The following LPIN1 variants were observed in gnomAD, a reference collection of about 807,000 sequenced individuals.
The protein encoded by LPIN1 is phosphatidate phosphatase LPIN1.
LPIN1 carries 71 observed loss-of-function variants against 107.5 expected under a neutral mutation model. The ratio of observed to expected loss-of-function variants is 0.66; its 90% CI spans 0.55 to 0.80. The LOEUF (loss-of-function observed/expected upper bound fraction) is 0.80. Ranked by LOEUF, LPIN1 falls within the 30% of genes least tolerant of loss-of-function variation. The probability of loss-of-function intolerance (pLI) is 0.00; values close to 1 mark genes in which losing one functional copy is unlikely to be tolerated. For synonymous variants in LPIN1, 445 were observed against 452.6 expected (o/e 0.98, Z 0.21); for missense variants, 1,043 against 1,160.6 (o/e 0.90, Z 1.47).
rs1188182187 is a variant in LPIN1, at chr2:11,782,519, G to A, written c.1264+12G>A. On this transcript the variant is annotated intron_variant, in intron 8 of 20. Transcript: ENST00000674199. ...TTCCAGGAAAAGAGGTACCAAGGCT[G>A]GGGCTTCCCGGCTCTTTTTCTGTTC... The A allele has an allele frequency of 8.1e-6, 13 of 1,613,542 alleles. No homozygotes were observed. The highest frequency in any genetic ancestry group is 1.1e-5 in the Non-Finnish European group (13 of 1,180,030).
chr2:11,725,976 G>C (rs796249458), intron 1 of LPIN1, among the ~76,000 whole-genome samples: 50 of 152,326 alleles, frequency 3.3e-4, no homozygotes, highest in African/African-American at 1.2e-3. Context: ...AGAGGCTACT[G>C]TGGCCCCACC....
intron 1 of LPIN1, among the ~76,000 whole-genome samples, chr2:11,746,899 G>A (rs1667033024): frequency 6.6e-6 from 1 of 152,196 alleles, no homozygotes; most frequent in African/African-American, 2.4e-5. Flanking sequence ...GGCCTCGCGA[G>A]CATCCCTCGG....
chr2:11,779,417 TG>T (rs2148651270), intron 6 of LPIN1, 101 bp from the exon 7 acceptor site: 2 of 1,241,508 alleles, frequency 1.6e-6, no homozygotes, highest in South Asian at 1.2e-5. Flanking sequence ...GAACGACAGC[TG>T]GGGGTGCATT....
At chr2:11,764,767 G>A (rs1360643100) in intron 1 of LPIN1, among the ~76,000 whole-genome samples, 1 of 152,222 alleles carries the variant, frequency 6.6e-6, no homozygotes, top group African/African-American at 2.4e-5. Flanking sequence ...GGCACGATGG[G>A]GGATCCTACG....
rs1208248602 is a variant in LPIN1 at position 11,773,739 on chromosome 2, C to T, written c.716C>T (p.Thr239Ile). ...YPNSDREWSP[T>I]PSSLVDCKRT... ...AATTCGGATAGAGAGTGGTCACCCA[C>T]TCCCAGGTAAGCTGTTCCCTGTTCC... is the stretch of plus-strand genomic sequence containing the variant. Residue 239 changes from threonine (T) to isoleucine (I), a missense_variant, in exon 5 of 21, where the codon ACT becomes ATT. By Grantham distance (89) the Thr-to-Ile change is moderately conservative. Coordinates refer to ENST00000674199, the MANE Select transcript of LPIN1 (RefSeq NM_001349206.2). 1 of 1,614,144 alleles carries T rather than the reference C, an allele frequency of 6.2e-7. No individual in the cohort carries two copies. Among genetic ancestry groups the T allele is most frequent in the Non-Finnish European group, 8.5e-7 (1 of 1,180,002 alleles).
chr2:11,718,353 G>A (rs1271212918), intron 2 of LPIN1, among the ~76,000 whole-genome samples: 6 of 152,114 alleles, frequency 3.9e-5, no homozygotes, highest in South Asian at 2.1e-4. Flanking sequence ...TTAGCCTCCC[G>A]AGTAGCTGGG....
At chr2:11,767,661 G>A (rs768565681) in intron 2 of LPIN1, 102 bp from the exon 3 acceptor site, 51 of 772,524 alleles carry the variant, frequency 6.6e-5, no homozygotes, top group Non-Finnish European at 1.1e-4. Flanking sequence ...ACTTCAGGGT[G>A]TATGCGATGA....
rs144915388 is a variant in LPIN1 at position 11,733,498 on chromosome 2, TC to T, written c.-71-7850del. 9.5e-3 allele frequency among the ~76,000 whole-genome samples: 1,416 copies of T among 149,570 alleles called. 23 individuals are homozygous for T. Among genetic ancestry groups the T allele is most frequent in the African/African-American group, 0.033 (1,322 of 40,324 alleles). On this transcript the variant is annotated intron_variant, in intron 1 of 21. Transcript: ENST00000396097. ...TGTGTTTTCTTTCTCTCTCTCTCTC[TC>T]TTTTTTTTTTTTTTGACAAAGTCTT...
At chr2:11,739,965 G>C (rs1666173055) in intron 1 of LPIN1, among the ~76,000 whole-genome samples, 1 of 152,154 alleles carries the variant, frequency 6.6e-6, no homozygotes, top group Admixed American at 6.5e-5. Context: ...ATTTAATTTG[G>C]AAATTGGCTC....
chr2:11,688,778 T>A (rs1051412814), intron 1 of LPIN1, among the ~76,000 whole-genome samples: 2 of 152,246 alleles, frequency 1.3e-5, no homozygotes, highest in African/African-American at 4.8e-5. Context: ...TAAGGTGATT[T>A]GAGTTTCAAA....
chr2:11,710,548 A>G lies in LPIN1; in HGVS notation c.82-3208A>G, dbSNP rs1218243127. Among the ~76,000 whole-genome samples the G allele has an allele frequency of 2.0e-5, 3 of 152,296 alleles. No individual in the cohort carries two copies. The East Asian group carries it at 5.8e-4, about 29-fold the overall frequency. ...GATGCTCACCTACTTCTGACCTTGA[A>G]TCTTCCACTTCATGACCTTCATCCA... On this transcript the variant is annotated intron_variant, in intron 1 of 21. Coordinates refer to the LPIN1 transcript ENST00000449576.
intron 9 of LPIN1, chr2:11,784,403 G>T (rs1477374267): frequency 5.4e-6 from 6 of 1,116,508 alleles, no homozygotes; most frequent in Non-Finnish European, 6.6e-6. Context: ...TGCGGGTACT[G>T]GGCGGCGCCC....
intron 14 of LPIN1, 86 bp from the exon 15 acceptor site, chr2:11,802,821 C>CTTGA (rs956945174): frequency 1.3e-6 from 2 of 1,502,454 alleles, no homozygotes; most frequent in South Asian, 1.1e-5. Flanking sequence ...ACTGGATTGA[C>CTTGA]TTAGTCATTG....
intron 1 of LPIN1, among the ~76,000 whole-genome samples, chr2:11,703,549 CA>C (rs1362759977): frequency 1.3e-5 from 2 of 152,186 alleles, no homozygotes; most frequent in African/African-American, 4.8e-5. Context: ...AGATTTTATA[CA>C]GAAGGACTTG....
intron 1 of LPIN1, among the ~76,000 whole-genome samples, chr2:11,763,603 T>C (rs1009982413): frequency 5.9e-5 from 9 of 152,160 alleles, no homozygotes; most frequent in South Asian, 2.1e-4. Context: ...TGCCAGTCTT[T>C]ACATTGTTAC....
At chr2:11,793,552 C>T (rs1294255454) in intron 13 of LPIN1, among the ~76,000 whole-genome samples, 1 of 152,230 alleles carries the variant, frequency 6.6e-6, no homozygotes, top group Non-Finnish European at 1.5e-5. Context: ...TCTTTAATCT[C>T]ATCTTTGCTG....
At chr2:11,741,827 A>G (rs1427869656), upstream of LPIN1, among the ~76,000 whole-genome samples, 4 of 151,944 alleles carry the variant, frequency 2.6e-5, no homozygotes, top group Non-Finnish European at 5.9e-5. Context: ...AAACCAAACC[A>G]AACAAAACAA....
intron 1 of LPIN1, among the ~76,000 whole-genome samples, chr2:11,739,367 C>G (rs1325382031): frequency 6.6e-6 from 1 of 152,176 alleles, no homozygotes; most frequent in African/African-American, 2.4e-5. Flanking sequence ...CTCCTGGATT[C>G]CTGACACAAG....
chr2:11,750,302 C>G (rs10192566), intron 1 of LPIN1, among the ~76,000 whole-genome samples: 80,982 of 152,038 alleles, frequency 0.53, 22,971 homozygotes, highest in African/African-American at 0.72. Context: ...TCTGGCAAAA[C>G]AATGTCCCAC....
Sources: allele counts gnomAD v4.1 joint callset (sites outside exome capture counted in the v4.1 genomes callset), GRCh38; gene constraint gnomAD v4.1.1; transcripts MANE v1.5; gene names NCBI Gene and HGNC (gene_info 2026-07-23, HGNC 2026-07-21).